LGSN: variants seen among roughly 807,000 people sequenced by gnomAD.
The protein encoded by LGSN is lengsin, lens protein with glutamine synthetase domain.
Under a neutral mutation model 19.5 loss-of-function variants are expected in LGSN, and 21 were observed. That is an observed-to-expected ratio of 1.07 (90% CI 0.76 to 1.55). The LOEUF (loss-of-function observed/expected upper bound fraction) is 1.55. LGSN is among the 40% of genes most tolerant of loss of function. The pLI, the probability that LGSN is intolerant of heterozygous loss-of-function variation, is 0.00. For synonymous variants in LGSN, 257 were observed against 215.6 expected, an observed-to-expected ratio of 1.19 and a Z score of -1.68; for missense variants, 673 against 608.5, an observed-to-expected ratio of 1.11 and a Z score of -1.12.
the LGSN span, among the ~76,000 whole-genome samples, chr6:63,567,695 T>C: frequency 6.6e-6 from 1 of 152,220 alleles, no homozygotes; most frequent in Non-Finnish European, 1.5e-5. Context: ...GAACTGCCTG[T>C]CCTTCGAAGC....
At chr6:63,373,217 C>T in the LGSN span, among the ~76,000 whole-genome samples, 2 of 152,150 alleles carry the variant, frequency 1.3e-5, no homozygotes, top group African/African-American at 4.8e-5. Flanking sequence ...TAGAAGAGTG[C>T]TCAATTAAGA....
the LGSN span, among the ~76,000 whole-genome samples, chr6:63,388,589 G>A: frequency 6.6e-6 from 1 of 152,134 alleles, no homozygotes; most frequent in Non-Finnish European, 1.5e-5. Context: ...GCCAAGGAGA[G>A]AGGCCTCAGA....
the LGSN span, among the ~76,000 whole-genome samples, chr6:63,425,291 C>G: frequency 6.6e-6 from 1 of 152,170 alleles, no homozygotes; most frequent in South Asian, 2.1e-4. Context: ...ACATAAAGAC[C>G]AATGTTCATG....
chr6:63,351,339 G>C, the LGSN span, among the ~76,000 whole-genome samples: 1 of 151,706 alleles, frequency 6.6e-6, no homozygotes, highest in Non-Finnish European at 1.5e-5. Flanking sequence ...ACAAAAGGAA[G>C]GAAAAAAAGC....
At chr6:63,511,102 G>A in the LGSN span, among the ~76,000 whole-genome samples, 1 of 152,094 alleles carries the variant, frequency 6.6e-6, no homozygotes, top group East Asian at 1.9e-4. Context: ...GTAACAATCA[G>A]GGCACTTAAC....
At chr6:63,569,512 C>T in the LGSN span, among the ~76,000 whole-genome samples, 4 of 152,244 alleles carry the variant, frequency 2.6e-5, no homozygotes, top group Non-Finnish European at 5.9e-5. Flanking sequence ...GATCCACCCA[C>T]CTTGGTCTCC....
the LGSN span, chr6:63,572,339 G>T: frequency 7.4e-6 from 2 of 270,636 alleles, no homozygotes; most frequent in Non-Finnish European, 1.4e-5. Context: ...ACCGGCGGCG[G>T]CCGCCGCGGA....
chr6:63,366,671 G>A, the LGSN span, among the ~76,000 whole-genome samples: 4 of 152,096 alleles, frequency 2.6e-5, no homozygotes, highest in South Asian at 2.1e-4. Flanking sequence ...GAGGCATCAT[G>A]CTACCTGACT....
chr6:63,370,273 C>G, the LGSN span, among the ~76,000 whole-genome samples: 1 of 152,146 alleles, frequency 6.6e-6, no homozygotes, highest in Non-Finnish European at 1.5e-5. Context: ...ATCCCAGGTA[C>G]AGGTATAGAA....
At chr6:63,408,755 G>T in the LGSN span, among the ~76,000 whole-genome samples, 1 of 151,578 alleles carries the variant, frequency 6.6e-6, no homozygotes, top group Non-Finnish European at 1.5e-5. Context: ...CCTACAAAAT[G>T]GGAGAAAATT....
the LGSN span, among the ~76,000 whole-genome samples, chr6:63,502,181 C>A: frequency 6.6e-6 from 1 of 152,176 alleles, no homozygotes; most frequent in Non-Finnish European, 1.5e-5. Context: ...GGAGCCTTAA[C>A]CACCTCAAGA....
the LGSN span, among the ~76,000 whole-genome samples, chr6:63,338,987 G>A: frequency 2.6e-5 from 4 of 152,032 alleles, no homozygotes; most frequent in East Asian, 7.7e-4. Flanking sequence ...CATTTTCAAA[G>A]TTCCTCTTGT....
intron 1 of LGSN, among the ~76,000 whole-genome samples, chr6:63,312,248 C>T (rs559072708): frequency 6.6e-6 from 1 of 152,218 alleles, no homozygotes; most frequent in South Asian, 2.1e-4. Context: ...GTGAATAATG[C>T]TGTAATAAAC....
At chr6:63,292,937 C>T (rs79673855) in intron 2 of LGSN, among the ~76,000 whole-genome samples, 2,446 of 152,266 alleles carry the variant, frequency 0.016, 69 homozygotes, top group African/African-American at 0.056. Flanking sequence ...ATCCCTCTAA[C>T]GTCCCACTCT....
chr6:63,454,514 A>G, the LGSN span, among the ~76,000 whole-genome samples: 2 of 139,236 alleles, frequency 1.4e-5, no homozygotes, highest in African/African-American at 5.3e-5. Context: ...GTTCTGTCAC[A>G]AGGGCTGGAG....
chr6:63,361,460 G>T, the LGSN span, among the ~76,000 whole-genome samples: 1 of 152,158 alleles, frequency 6.6e-6, no homozygotes, highest in South Asian at 2.1e-4. Context: ...CGAGTCATGC[G>T]CAGGATATAA....
the LGSN span, among the ~76,000 whole-genome samples, chr6:63,507,830 T>C: frequency 6.6e-6 from 1 of 152,224 alleles, no homozygotes; most frequent in Non-Finnish European, 1.5e-5. Flanking sequence ...AGTTCTGTCA[T>C]TAATGCAAAC....
intron 1 of LGSN, among the ~76,000 whole-genome samples, chr6:63,303,230 A>G (rs1768258790): frequency 6.6e-6 from 1 of 152,288 alleles, no homozygotes; most frequent in South Asian, 2.1e-4. Flanking sequence ...CCATTTGAAC[A>G]TTTACAGATG....
At chr6:63,290,573 C>T (rs1767726087) in intron 2 of LGSN, among the ~76,000 whole-genome samples, 1 of 152,148 alleles carries the variant, frequency 6.6e-6, no homozygotes, top group African/African-American at 2.4e-5. Context: ...CTAGATCTGG[C>T]AACCCTGGGT....
Sources: allele counts gnomAD v4.1 joint callset (sites outside exome capture counted in the v4.1 genomes callset), GRCh38; gene constraint gnomAD v4.1.1; transcripts MANE v1.5; gene names NCBI Gene and HGNC (gene_info 2026-07-23, HGNC 2026-07-21).